Variants in PLCB4 observed in about 807,000 individuals in gnomAD.
PLCB4 encodes 1-phosphatidylinositol 4,5-bisphosphate phosphodiesterase beta-4.
A neutral mutation model predicts 178.8 loss-of-function variants in PLCB4; 77 were observed. That is an observed-to-expected ratio of 0.43 (90% confidence interval 0.36 to 0.52). The LOEUF is 0.52. Among genes scored for constraint, PLCB4 ranks in the 20% least tolerant of loss-of-function variants. The pLI is 0.00. For synonymous variants in PLCB4, 496 were observed against 490.8 expected (o/e 1.01, Z -0.14); for missense variants, 1,024 against 1,453.4 (o/e 0.70, Z 4.80).
intron 2 of PLCB4, among the ~76,000 whole-genome samples, chr20:9,157,468 C>T (rs1344081381): frequency 7.9e-5 from 12 of 152,068 alleles, no homozygotes. Context: ...ATGGCAGCCT[C>T]ATTTTTAACT....
chr20:9,190,452 A>G (rs2093387333), intron 2 of PLCB4, among the ~76,000 whole-genome samples: 1 of 152,058 alleles, frequency 6.6e-6, no homozygotes, highest in Non-Finnish European at 1.5e-5. Flanking sequence ...CATGATTGTA[A>G]ATTTCCTGAG....
intron 3 of PLCB4, among the ~76,000 whole-genome samples, chr20:9,290,603 G>T (rs913010984): frequency 5.9e-5 from 9 of 152,108 alleles, no homozygotes; most frequent in African/African-American, 1.9e-4. Flanking sequence ...CAAGGATTTG[G>T]CATCTTGAAA....
intron 2 of PLCB4, among the ~76,000 whole-genome samples, chr20:9,197,469 G>A (rs1030934472): frequency 1.3e-5 from 2 of 152,162 alleles, no homozygotes; most frequent in Non-Finnish European, 2.9e-5. Context: ...TGGAATACAT[G>A]TTGAAATAAT....
intron 32 of PLCB4, among the ~76,000 whole-genome samples, chr20:9,451,310 G>A (rs970449993): frequency 3.3e-5 from 5 of 152,142 alleles, no homozygotes; most frequent in African/African-American, 9.7e-5. Flanking sequence ...TTACATCCAA[G>A]CCTCAAAGTC....
intron 4 of PLCB4, among the ~76,000 whole-genome samples, chr20:9,324,450 A>AACC (rs1249247820): frequency 6.6e-6 from 1 of 152,086 alleles, no homozygotes; most frequent in East Asian, 1.9e-4. Context: ...CAACAACAAC[A>AACC]ACAAATCCTA....
intron 2 of PLCB4, among the ~76,000 whole-genome samples, chr20:9,108,772 A>G (rs2091463182): frequency 6.6e-6 from 1 of 152,036 alleles, no homozygotes; most frequent in Non-Finnish European, 1.5e-5. Flanking sequence ...TAATTTAAAT[A>G]TAAGCTGGTT....
chr20:9,465,010 G>T (rs1162416869), intron 35 of PLCB4, among the ~76,000 whole-genome samples: 1 of 152,188 alleles, frequency 6.6e-6, no homozygotes, highest in Non-Finnish European at 1.5e-5. Flanking sequence ...TATCCCTGAT[G>T]AACATCCATG....
At chr20:9,339,279 C>T (rs1307665798) in intron 7 of PLCB4, among the ~76,000 whole-genome samples, 2 of 152,152 alleles carry the variant, frequency 1.3e-5, no homozygotes, top group Non-Finnish European at 2.9e-5. Context: ...TCCAGCACTT[C>T]TCCAACTTGA....
intron 25 of PLCB4, among the ~76,000 whole-genome samples, chr20:9,417,515 T>C (rs1386337806): frequency 6.6e-6 from 1 of 152,204 alleles, no homozygotes; most frequent in African/African-American, 2.4e-5. Context: ...ATCCAGGTTG[T>C]AATGTGTATC....
At chr20:9,266,257 T>G (rs2094348096) in intron 3 of PLCB4, among the ~76,000 whole-genome samples, 1 of 152,188 alleles carries the variant, frequency 6.6e-6, no homozygotes, top group Non-Finnish European at 1.5e-5. Flanking sequence ...TGCTTTTTTT[T>G]GTTGTTGTTT....
intron 3 of PLCB4, among the ~76,000 whole-genome samples, chr20:9,280,045 T>C (rs1180665278): frequency 6.6e-6 from 1 of 152,044 alleles, no homozygotes; most frequent in African/African-American, 2.4e-5. Flanking sequence ...CAACCCTTTT[T>C]GTATTTCACA....
chr20:9,468,135 A>G (rs1347737669), intron 35 of PLCB4, among the ~76,000 whole-genome samples: 1 of 152,106 alleles, frequency 6.6e-6, no homozygotes, highest in Admixed American at 6.5e-5. Flanking sequence ...AGATCTTTAT[A>G]TTTATGGGCA....
chr20:9,437,850 A>G (rs1156981017), intron 30 of PLCB4, among the ~76,000 whole-genome samples: 1 of 152,250 alleles, frequency 6.6e-6, no homozygotes, highest in Non-Finnish European at 1.5e-5. Context: ...TGCTTCTGTT[A>G]TAACACACCT....
In PLCB4 at chr20:9,435,553, C is replaced by A; in HGVS notation, c.2525-7C>A. 6.6e-7 allele frequency: 1 copy of A among 1,520,028 alleles called. No homozygotes were observed. Among genetic ancestry groups the A allele is most frequent in the Non-Finnish European group, 9.1e-7 (1 of 1,104,404 alleles). 94.2% of individuals were successfully genotyped at this position (1,520,028 alleles called of 1,614,324 possible). A position where few individuals can be genotyped will look rare whatever the true frequency, so the allele number is the denominator to read the frequency against. On this transcript the variant is annotated splice_polypyrimidine_tract_variant and splice_region_variant and intron_variant, in intron 28 of 39. Coordinates refer to ENST00000378473, the MANE Select transcript of PLCB4 (RefSeq NM_001377142.1). ...TTAACGGCTCATTGGGTTTTTTTTT[C>A]CCCTAGATATCGTGGATGCTTTATC...
intron 4 of PLCB4, among the ~76,000 whole-genome samples, chr20:9,316,144 C>T (rs2094896597): frequency 1.3e-5 from 2 of 152,032 alleles, no homozygotes; most frequent in Admixed American, 1.3e-4. Flanking sequence ...TCATGTGGAG[C>T]AGTAGTTCTC....
At chr20:9,076,844 G>GT (rs1568703988) in intron 1 of PLCB4, among the ~76,000 whole-genome samples, 2 of 151,926 alleles carry the variant, frequency 1.3e-5, no homozygotes, top group East Asian at 1.9e-4. Context: ...TTTTTCATTG[G>GT]TTTTTTAAAA....
chr20:9,283,070 G>A (rs772848479), intron 3 of PLCB4, among the ~76,000 whole-genome samples: 4 of 151,964 alleles, frequency 2.6e-5, no homozygotes, highest in Non-Finnish European at 5.9e-5. Context: ...TATTACAAAG[G>A]AGTGTGATCA....
At chr20:9,331,112 C>G (rs1286246711) in intron 4 of PLCB4, among the ~76,000 whole-genome samples, 1 of 152,168 alleles carries the variant, frequency 6.6e-6, no homozygotes, top group South Asian at 2.1e-4. Flanking sequence ...GGCTGACATG[C>G]AAACCCAGGA....
In PLCB4 at chr20:9,332,270, G is replaced by A. The variant is rs150729525; in HGVS notation, c.85-4856G>A. On this transcript the variant is annotated intron_variant, in intron 4 of 39. Coordinates refer to ENST00000378473, the MANE Select transcript of PLCB4 (RefSeq NM_001377142.1). ...TTCACAATAGCCTGGCCTCAATCTG[G>A]TCAGGGAGCCATAGCCCACTTTCAG... Among the ~76,000 whole-genome samples, 80 of 152,250 alleles carry A rather than the reference G, an allele frequency of 5.3e-4. 1 individual carries two copies. The highest frequency in any genetic ancestry group is 1.9e-3 in the African/African-American group (77 of 41,530).
Sources: allele counts gnomAD v4.1 joint callset (sites outside exome capture counted in the v4.1 genomes callset), GRCh38; gene constraint gnomAD v4.1.1; transcripts MANE v1.5; gene names NCBI Gene and HGNC (gene_info 2026-07-23, HGNC 2026-07-21).